GSDME: variants seen among roughly 807,000 people sequenced by gnomAD.
The protein encoded by GSDME is gasdermin-E.
In GSDME, 44 loss-of-function variants were observed where a neutral mutation model predicts 47.5. The ratio of observed to expected loss-of-function variants is 0.93; its 90% CI spans 0.73 to 1.19. The LOEUF (loss-of-function observed/expected upper bound fraction) is 1.19. GSDME is among the 50% of genes most tolerant of loss of function. The pLI, the probability that GSDME is intolerant of heterozygous loss-of-function variation, is 0.00. For missense variants in GSDME, 663 were observed against 604.2 expected, an observed-to-expected ratio of 1.10 and a Z score of -1.02; for synonymous variants, 258 against 252.8, an observed-to-expected ratio of 1.02 and a Z score of -0.20.
chr7:24,757,388 G>GC lies in GSDME; in HGVS notation c.-20+7dup. The GC allele has an allele frequency of 6.6e-6, 1 of 152,484 alleles. No homozygotes were observed. The highest frequency in any genetic ancestry group is 1.5e-5 in the Non-Finnish European group (1 of 68,286). 9.4% of individuals were successfully genotyped at this position (152,484 alleles called of 1,614,324 possible). ...GGATCCCGCAGCCCGCGCCCGCCGCGCACTTACCCGCGCGCCCGCTGCTGG... is the reference window on the plus strand; with the variant it reads ...GGATCCCGCAGCCCGCGCCCGCCGCGCCACTTACCCGCGCGCCCGCTGCTGG... On this transcript the variant is annotated splice_region_variant and intron_variant, in intron 1 of 9. Transcript: ENST00000645220. The surrounding 1 kb of genome is among the most constrained non-coding windows in gnomAD (Gnocchi z 5.9).
the GSDME span, among the ~76,000 whole-genome samples, chr7:24,778,517 G>T: frequency 3.3e-5 from 5 of 152,312 alleles, no homozygotes; most frequent in Middle Eastern, 6.8e-3. This position sits in a 1 kb window ranked among gnomAD's most constrained non-coding sequence, Gnocchi z 5.6. Flanking sequence ...GAGGTCCCTG[G>T]TTCACAGGAC....
the GSDME span, among the ~76,000 whole-genome samples, chr7:24,786,818 T>C: frequency 6.6e-6 from 1 of 152,212 alleles, no homozygotes; most frequent in African/African-American, 2.4e-5. The surrounding 1 kb of genome is among the most constrained non-coding windows in gnomAD (Gnocchi z 5.5). Context: ...AATTTATGTA[T>C]ATTTCATCAC....
Position 24,710,289 on chromosome 7 carries a change from A to G in GSDME, c.797T>C (p.Ile266Thr), listed in dbSNP as rs1180013011. ...CCCATGCGCAGCATCTGGCATGTCT[A>G]TGAATGCAAACTCTCGAAAGACCAG... The part of the protein sequence containing the change: ...DPLVFREFAF[I>T]DMPDAAHGIS... Residue 266 changes from isoleucine to threonine, a missense_variant, in exon 6 of 10, where the codon ATA becomes ACA. Ile to Thr is a moderately conservative substitution (Grantham distance 89, BLOSUM62 -1). Transcript: ENST00000645220. 1 of 1,614,122 alleles carries G rather than the reference A, an allele frequency of 6.2e-7. No homozygotes were observed. The highest frequency in any genetic ancestry group is 1.3e-5 in the African/African-American group (1 of 74,956).
At chr7:24,706,669 G>C (rs1789121170) in intron 7 of GSDME, among the ~76,000 whole-genome samples, 1 of 152,236 alleles carries the variant, frequency 6.6e-6, no homozygotes, top group Non-Finnish European at 1.5e-5. Context: ...GAAACAAGTG[G>C]TTACACACAG....
intron 1 of GSDME, 33 bp from the exon 2 acceptor site, chr7:24,749,826 A>G (rs532378627): frequency 1.4e-6 from 2 of 1,460,096 alleles, no homozygotes; most frequent in South Asian, 1.1e-5. Context: ...AAATCAAATA[A>G]GAAGTTACTA....
Position 24,740,349 on chromosome 7 carries a change from T to A in GSDME, c.404+4213A>T, listed in dbSNP as rs533552143. On this transcript the variant is annotated intron_variant, in intron 3 of 9. Coordinates refer to ENST00000645220, the MANE Select transcript of GSDME (RefSeq NM_001127453.2). ...ATGGGTCCAATAAAAATAGAAAGAA[T>A]GAATAAGATCTAGTATTTTATAACA... 4.6e-5 allele frequency among the ~76,000 whole-genome samples: 7 copies of A among 151,332 alleles called. No individual in the cohort carries two copies. The East Asian group carries it at 1.4e-3, about 29-fold the overall frequency.
In GSDME at chr7:24,740,281, G is replaced by C. The variant is rs549590884; in HGVS notation, c.404+4281C>G. On this transcript the variant is annotated intron_variant, in intron 3 of 9. Coordinates refer to ENST00000645220, the MANE Select transcript of GSDME (RefSeq NM_001127453.2). ...GTAGAGGGATGGTTACCAGAGGCTGGGAAGGGTAGTGGGAGAGTGGTAGGG... is the reference window on the plus strand; with the variant it reads ...GTAGAGGGATGGTTACCAGAGGCTGCGAAGGGTAGTGGGAGAGTGGTAGGG... Among the ~76,000 whole-genome samples the C allele has an allele frequency of 8.5e-5, 13 of 152,128 alleles. No homozygotes were observed. The South Asian group carries it at 2.5e-3, about 29-fold the overall frequency.
At chr7:24,702,871 A>G (rs1562684701) in intron 8 of GSDME, 38 bp from the exon 9 acceptor site, 3 of 1,587,212 alleles carry the variant, frequency 1.9e-6, no homozygotes, top group Admixed American at 1.7e-5. Flanking sequence ...GTCCAAAAAA[A>G]CAAGTCCATG....
At chr7:24,752,020 T>C (rs960882263) in intron 1 of GSDME, among the ~76,000 whole-genome samples, 2 of 152,170 alleles carry the variant, frequency 1.3e-5, no homozygotes, top group Non-Finnish European at 2.9e-5. Flanking sequence ...GTCGATGACA[T>C]CCAAGCTGCA....
chr7:24,717,144 C>G, intron 5 of GSDME, 110 bp downstream of exon 5: 1 of 1,273,380 alleles, frequency 7.9e-7, no homozygotes, highest in South Asian at 1.2e-5. Context: ...CTCTTTCCCT[C>G]TCTTCCCACA....
At chr7:24,741,628 A>G (rs1031371382) in intron 3 of GSDME, among the ~76,000 whole-genome samples, 2 of 152,202 alleles carry the variant, frequency 1.3e-5, no homozygotes, top group African/African-American at 4.8e-5. Context: ...TTGTCTGCAG[A>G]TGACAACTTA....
chr7:24,753,879 T>C (rs1315806956), intron 1 of GSDME, among the ~76,000 whole-genome samples: 4 of 152,216 alleles, frequency 2.6e-5, no homozygotes, highest in African/African-American at 9.6e-5. Context: ...GAGTTTATCA[T>C]GCAGCATTAG....
intron 9 of GSDME, chr7:24,702,499 A>ATT (rs1199192222): frequency 6.0e-5 from 24 of 399,052 alleles, no homozygotes; most frequent in Non-Finnish European, 1.1e-4. Context: ...TGGGAAAAGT[A>ATT]TAAGAGTTGG....
At chr7:24,706,406 A>G in intron 7 of GSDME, 30 bp from the exon 8 acceptor site, 2 of 1,603,768 alleles carry the variant, frequency 1.2e-6, no homozygotes, top group Non-Finnish European at 8.5e-7. Flanking sequence ...AAGGGTCATG[A>G]CACAGCTGGA....
chr7:24,724,187 A>T lies in GSDME; in HGVS notation c.405-4969T>A, dbSNP rs1789889461. On this transcript the variant is annotated intron_variant, in intron 3 of 9. Transcript: ENST00000645220. This position sits in a 1 kb window ranked among gnomAD's most constrained non-coding sequence, Gnocchi z 4.8. ...ATTGCCCAGTTCCAAAAAAAAAAAA[A>T]AGTATTTTAAAAAAAGGCCTTCTGG... 6.6e-6 allele frequency among the ~76,000 whole-genome samples: 1 copy of T among 151,702 alleles called. No individual in the cohort carries two copies. Among genetic ancestry groups the T allele is most frequent in the South Asian group, 2.1e-4 (1 of 4,800 alleles).
At chr7:24,748,769 C>T (rs1326443255) in intron 2 of GSDME, among the ~76,000 whole-genome samples, 1 of 152,096 alleles carries the variant, frequency 6.6e-6, no homozygotes, top group Non-Finnish European at 1.5e-5. Context: ...ATAAGCCCAT[C>T]CCCCATGCAG....
At chr7:24,748,964 C>T (rs1294216305) in intron 2 of GSDME, among the ~76,000 whole-genome samples, 2 of 152,172 alleles carry the variant, frequency 1.3e-5, no homozygotes, top group Non-Finnish European at 2.9e-5. Flanking sequence ...CAGTTCAACA[C>T]CAAACCACAT....
the GSDME span, among the ~76,000 whole-genome samples, chr7:24,770,926 G>A: frequency 2.0e-5 from 3 of 150,798 alleles, no homozygotes; most frequent in Non-Finnish European, 4.4e-5. The surrounding 1 kb of genome is among the most constrained non-coding windows in gnomAD (Gnocchi z 4.6). Context: ...TGCAAAAGGT[G>A]TAACATTAGC....
In GSDME at chr7:24,706,308, C is replaced by T. The variant is rs1405073138; in HGVS notation, c.1059G>A (p.Gln353=). ...GCTGCAGGAAGGCCACAAGGTCCTG[C>T]TGCTGCCGGGGCTTCAGCTCCCCCA... The part of the protein sequence containing the change: ...AVLGELKPRQ[Q]QDLVAFLQLV... The change falls in exon 8 of 10, where the codon CAG becomes CAA. Residue 353 remains glutamine, a synonymous_variant. Coordinates refer to ENST00000645220, the MANE Select transcript of GSDME (RefSeq NM_001127453.2). The T allele has an allele frequency of 1.2e-6, 2 of 1,614,004 alleles. No individual in the cohort carries two copies. Among genetic ancestry groups the T allele is most frequent in the Non-Finnish European group, 1.7e-6 (2 of 1,180,022 alleles).
Sources: gnomAD v4.1 joint callset for allele counts (sites outside exome capture counted in the v4.1 genomes callset) on GRCh38, gnomAD v4.1.1 for gene constraint, Gnocchi (gnomAD v3.1) non-coding constraint, MANE v1.5 for transcripts, NCBI Gene and HGNC (gene_info 2026-07-23, HGNC 2026-07-21) for gene names.